ZNF397: variants seen among roughly 807,000 people sequenced by gnomAD.
ZNF397 encodes zinc finger and SCAN domain-containing protein 15.
Under a neutral mutation model 50.6 loss-of-function variants are expected in ZNF397, and 38 were observed. The observed-to-expected ratio is 0.75, with a 90% CI of 0.58 to 0.98. ZNF397 has a LOEUF of 0.98. Among genes scored for constraint, ZNF397 ranks in the 50% least tolerant of loss-of-function variants. The probability of loss-of-function intolerance (pLI) is 0.00; values close to 1 mark genes in which losing one functional copy is unlikely to be tolerated. For synonymous variants in ZNF397, 228 were observed against 215.2 expected, an observed-to-expected ratio of 1.06 and a Z score of -0.52; for missense variants, 624 against 624.1, an observed-to-expected ratio of 1.00 and a Z score of 0.00.
intron 3 of ZNF397, chr18:35,243,591 G>T: frequency 1.7e-6 from 1 of 594,230 alleles, no homozygotes; most frequent in South Asian, 2.1e-5. Flanking sequence ...GGTGGGTGAT[G>T]GACAAATAAA....
chr18:35,245,895 A>G lies in ZNF397; in HGVS notation c.1190A>G (p.Tyr397Cys). 1 of 1,563,344 alleles carries G rather than the reference A, an allele frequency of 6.4e-7. No homozygotes were observed. The highest frequency in any genetic ancestry group is 8.7e-7 in the Non-Finnish European group (1 of 1,153,804). ...HQRIHTGEKPYECNECGKTFS... is the reference protein window; with the variant it reads ...HQRIHTGEKPCECNECGKTFS... ...AGAATTCACACTGGTGAGAAACCTTATGAGTGTAATGAATGTGGGAAAACC... is the reference window on the plus strand; with the variant it reads ...AGAATTCACACTGGTGAGAAACCTTGTGAGTGTAATGAATGTGGGAAAACC... Residue 397 changes from tyrosine to cysteine, a missense_variant, in exon 4 of 4, where the codon TAT becomes TGT. Tyr to Cys is a radical substitution (Grantham distance 194). Transcript: ENST00000330501.
rs967602275 is a variant in ZNF397, at chr18:35,249,676, A to C, written c.*3366A>C. The C allele has an allele frequency of 3.5e-5, 4 of 113,570 alleles. No homozygotes were observed. The South Asian group carries it at 7.8e-4, about 22-fold the overall frequency. The allele number at this position is 113,570 out of a possible 1,614,324, so 7.0% of individuals were successfully genotyped here. On this transcript the variant is annotated 3_prime_UTR_variant, in exon 4 of 4. Coordinates refer to ENST00000330501, the MANE Select transcript of ZNF397 (RefSeq NM_001135178.3). ...TCAAAAAAAAAAAAAAAAAAAAAAA[A>C]AACACTGATGTCAATTAATATTAAA...
At chr18:35,258,201 A>G in exon 6 of ZNF397, 1 of 546,650 alleles carries the variant, frequency 1.8e-6, no homozygotes, top group African/African-American at 1.9e-5. Flanking sequence ...AGAGACTAGC[A>G]TAAGGAGACT....
Position 35,242,483 on chromosome 18 carries a change from T to G in ZNF397, c.13T>G (p.Ser5Ala). 6.2e-7 allele frequency: 1 copy of G among 1,612,610 alleles called. No homozygotes were observed. The highest frequency in any genetic ancestry group is 8.5e-7 in the Non-Finnish European group (1 of 1,178,940). Residue 5 changes from serine (S) to alanine (A), a missense_variant, in exon 2 of 4, where the codon TCT (serine) becomes GCT (alanine). By Grantham distance (99) the Ser-to-Ala change is moderately conservative. Transcript: ENST00000330501. MAVE[S>A]GVISTLIPQD... ...GTTTCAGCCAAGAATGGCTGTGGAA[T>G]CTGGAGTGATTTCAACCCTGATACC...
At chr18:35,245,213 G>C (rs750243411) in intron 3 of ZNF397, 49 bp from the exon 4 acceptor site, 12 of 1,495,750 alleles carry the variant, frequency 8.0e-6, no homozygotes, top group Non-Finnish European at 1.1e-5. Context: ...AAGTTTTGAC[G>C]GTGACAAGAG....
chr18:35,245,185 T>C, intron 3 of ZNF397, 77 bp from the exon 4 acceptor site: 1 of 1,456,688 alleles, frequency 6.9e-7, no homozygotes, highest in South Asian at 1.5e-5. Flanking sequence ...TAGAAGCTTC[T>C]GTTTTCTCTC....
At chr18:35,244,941 T>A (rs544497494) in intron 3 of ZNF397, among the ~76,000 whole-genome samples, 2 of 152,194 alleles carry the variant, frequency 1.3e-5, no homozygotes, top group Admixed American at 1.3e-4. Flanking sequence ...GAAGGTTGAT[T>A]TTAAAAGGTG....
chr18:35,253,539 C>T (rs563801738), downstream of ZNF397: 2 of 1,613,946 alleles, frequency 1.2e-6, no homozygotes, highest in Non-Finnish European at 1.7e-6. Context: ...TAAGGCTTCT[C>T]TCCAGTGTGA....
chr18:35,256,023 A>G (rs2043797387), intron 5 of ZNF397, among the ~76,000 whole-genome samples: 1 of 152,196 alleles, frequency 6.6e-6, no homozygotes, highest in Non-Finnish European at 1.5e-5. Context: ...ATAATTGTGT[A>G]GGGACAAAAT....
chr18:35,242,946 C>T, intron 2 of ZNF397, 62 bp downstream of exon 2: 2 of 1,539,042 alleles, frequency 1.3e-6, no homozygotes, highest in Non-Finnish European at 1.7e-6. Context: ...GTAATGGTAT[C>T]ATAACAGTAG....
chr18:35,241,807 T>A (rs1271944996), intron 1 of ZNF397: 1 of 152,218 alleles, frequency 6.6e-6, no homozygotes, highest in Non-Finnish European at 1.5e-5. Flanking sequence ...AGTAATTCGG[T>A]AAACACCAAA....
At chr18:35,253,835 C>T (rs1569058711), downstream of ZNF397, 2 of 1,614,192 alleles carry the variant, frequency 1.2e-6, no homozygotes, top group Admixed American at 1.7e-5. Flanking sequence ...TGAACTGCCC[C>T]TGAAGGCTTT....
chr18:35,256,928 T>G (rs999461667), intron 5 of ZNF397: 1 of 152,888 alleles, frequency 6.5e-6, no homozygotes, highest in East Asian at 1.9e-4. Context: ...TGCGCATCAT[T>G]GCATCCAGTT....
chr18:35,245,062 G>A (rs1416129126), intron 3 of ZNF397, among the ~76,000 whole-genome samples, 200 bp from the exon 4 acceptor site: 1 of 152,118 alleles, frequency 6.6e-6, no homozygotes, highest in Non-Finnish European at 1.5e-5. Flanking sequence ...CTCAAAAGAG[G>A]CAGGAAAGGA....
downstream of ZNF397, chr18:35,253,431 A>T (rs115012342): frequency 1.6e-3 from 2,525 of 1,534,940 alleles, 23 homozygotes; most frequent in African/African-American, 0.022. Flanking sequence ...TCACAATTGT[A>T]CAACTCTTAC....
rs746245912 is a variant in ZNF397, at chr18:35,245,248, A to T, written c.557-14A>T. 5.7e-6 allele frequency: 9 copies of T among 1,566,856 alleles called. No individual in the cohort carries two copies. The Admixed American group carries it at 7.8e-5, about 14-fold the overall frequency. ...GAAATGTAATATCTGTTTTTTTGCT[A>T]CTTATTGTTTCAGATTGTGAGAACA... is the stretch of plus-strand genomic sequence containing the variant. On this transcript the variant is annotated splice_polypyrimidine_tract_variant and intron_variant, in intron 3 of 3. Coordinates refer to ENST00000330501, the MANE Select transcript of ZNF397 (RefSeq NM_001135178.3).
chr18:35,250,517 G>A (rs1033283133), downstream of ZNF397, among the ~76,000 whole-genome samples: 1 of 29,720 alleles, frequency 3.4e-5, no homozygotes, highest in Non-Finnish European at 9.9e-5. Flanking sequence ...AAGATAATGT[G>A]CAATTTAGTG....
At chr18:35,253,667 C>A (rs547472221), downstream of ZNF397, 17 of 1,614,144 alleles carry the variant, frequency 1.1e-5, no homozygotes, top group Non-Finnish European at 1.4e-5. Context: ...AGAACTCCTA[C>A]CAAAAGCCTT....
At chr18:35,251,900 C>CACTACCT (rs1204519207), downstream of ZNF397, 22 of 152,130 alleles carry the variant, frequency 1.4e-4, no homozygotes, top group African/African-American at 5.3e-4. Context: ...TTAGAAATGA[C>CACTACCT]ACTACCTAGG....
Sources: allele counts gnomAD v4.1 joint callset (sites outside exome capture counted in the v4.1 genomes callset), GRCh38; gene constraint gnomAD v4.1.1; transcripts MANE v1.5; gene names NCBI Gene and HGNC (gene_info 2026-07-23, HGNC 2026-07-21).